Variants in HS6ST3 observed in about 807,000 individuals in gnomAD.
HS6ST3 encodes heparan-sulfate 6-O-sulfotransferase 3.
HS6ST3 carries 12 observed loss-of-function variants against 36.7 expected under a neutral mutation model. The observed-to-expected ratio is 0.33, with a 90% confidence interval of 0.21 to 0.53. The LOEUF (loss-of-function observed/expected upper bound fraction) is 0.53. HS6ST3 is among the 20% of genes least tolerant of loss of function. The pLI is 0.95. For missense variants in HS6ST3, 584 were observed against 640.9 expected, an observed-to-expected ratio of 0.91 and a Z score of 0.96; for synonymous variants, 240 against 257.5, an observed-to-expected ratio of 0.93 and a Z score of 0.65.
intron 1 of HS6ST3, among the ~76,000 whole-genome samples, chr13:96,482,199 G>C (rs1373520536): frequency 6.6e-6 from 1 of 152,088 alleles, no homozygotes; most frequent in Non-Finnish European, 1.5e-5. Flanking sequence ...TTCTACACCA[G>C]CAATGATATT....
At chr13:96,299,168 G>A (rs2054869585) in intron 1 of HS6ST3, among the ~76,000 whole-genome samples, 1 of 152,152 alleles carries the variant, frequency 6.6e-6, no homozygotes, top group African/African-American at 2.4e-5. Flanking sequence ...GTCGCTGCTT[G>A]CGTAGAATTC....
chr13:96,213,521 A>G (rs2054409008), intron 1 of HS6ST3, among the ~76,000 whole-genome samples: 1 of 140,046 alleles, frequency 7.1e-6, no homozygotes, highest in Non-Finnish European at 1.6e-5. Context: ...GCCTCTGTGT[A>G]GGACAATTTT....
chr13:96,795,550 T>C (rs991675849), intron 1 of HS6ST3, among the ~76,000 whole-genome samples: 6 of 152,124 alleles, frequency 3.9e-5, no homozygotes, highest in Admixed American at 2.0e-4. Flanking sequence ...CAACATTCTA[T>C]TACATTGGTG....
At chr13:96,147,869 C>G (rs1454461554) in intron 1 of HS6ST3, among the ~76,000 whole-genome samples, 1 of 152,106 alleles carries the variant, frequency 6.6e-6, no homozygotes, top group African/African-American at 2.4e-5. Context: ...TAACAATAAA[C>G]AATGTAGTGT....
At chr13:96,211,725 G>A (rs2054400199) in intron 1 of HS6ST3, among the ~76,000 whole-genome samples, 1 of 152,136 alleles carries the variant, frequency 6.6e-6, no homozygotes. Flanking sequence ...ACCATAGGTA[G>A]TTGTCTTTAT....
At chr13:96,832,456 C>T in intron 1 of HS6ST3, 34 bp from the exon 2 acceptor site, 3 of 1,467,958 alleles carry the variant, frequency 2.0e-6, no homozygotes, top group Non-Finnish European at 2.8e-6. Flanking sequence ...TTAGAGTTGT[C>T]AACTACTGAT....
At chr13:96,478,589 G>A (rs1295014836) in intron 1 of HS6ST3, among the ~76,000 whole-genome samples, 1 of 151,920 alleles carries the variant, frequency 6.6e-6, no homozygotes, top group Admixed American at 6.6e-5. Context: ...TTCCATTGCT[G>A]CCATCAAGCC....
At chr13:96,702,896 A>T (rs1594840388) in intron 1 of HS6ST3, among the ~76,000 whole-genome samples, 1 of 152,214 alleles carries the variant, frequency 6.6e-6, no homozygotes, top group South Asian at 2.1e-4. Context: ...AGCAGGAATG[A>T]TATACTTGGA....
chr13:96,823,070 C>A (rs1373370804), intron 1 of HS6ST3, among the ~76,000 whole-genome samples: 1 of 152,216 alleles, frequency 6.6e-6, no homozygotes, highest in Non-Finnish European at 1.5e-5. Flanking sequence ...CAGGAGGGAG[C>A]AGCACCTGTC....
rs1299394882 is a variant in HS6ST3 at position 96,494,543 on chromosome 13, T to TA, written c.708-337934dup. ...TGTACCCTAAAACTTAAAGTATAAT[T>TA]AAAAAAAAAAAAAGAACCACGATGT... On this transcript the variant is annotated intron_variant, in intron 1 of 1. Transcript: ENST00000376705. Among the ~76,000 whole-genome samples the TA allele has an allele frequency of 8.4e-3, 1,149 of 137,058 alleles. 11 individuals are homozygous for TA. Among genetic ancestry groups the TA allele is most frequent in the African/African-American group, 0.026 (955 of 37,406 alleles). The allele number at this position is 137,058 out of a possible 152,430, so 89.9% of individuals were successfully genotyped here.
intron 1 of HS6ST3, among the ~76,000 whole-genome samples, chr13:96,322,557 AAAAAATAAAATG>A (rs2055009710): frequency 1.3e-5 from 2 of 152,140 alleles, no homozygotes; most frequent in Non-Finnish European, 2.9e-5. Flanking sequence ...AACTTGTCTC[AAAAAATAAAATG>A]AAAAATAAAA....
chr13:96,465,063 C>T (rs1207394177), intron 1 of HS6ST3, among the ~76,000 whole-genome samples: 1 of 151,672 alleles, frequency 6.6e-6, no homozygotes, highest in African/African-American at 2.4e-5. Flanking sequence ...TATAAGTAGG[C>T]ATACTCACCA....
chr13:96,617,912 G>A (rs1042808724), intron 1 of HS6ST3, among the ~76,000 whole-genome samples: 5 of 152,136 alleles, frequency 3.3e-5, no homozygotes, highest in Admixed American at 3.3e-4. Context: ...ATTCTCCAGG[G>A]ATTAAAACAA....
chr13:96,667,939 G>C (rs1208414587), intron 1 of HS6ST3, among the ~76,000 whole-genome samples: 1 of 152,090 alleles, frequency 6.6e-6, no homozygotes, highest in Non-Finnish European at 1.5e-5. Flanking sequence ...TATGACTGGA[G>C]GGAAAATATT....
At chr13:96,828,869 T>C (rs968201449) in intron 1 of HS6ST3, among the ~76,000 whole-genome samples, 2 of 152,212 alleles carry the variant, frequency 1.3e-5, no homozygotes, top group Non-Finnish European at 2.9e-5. Context: ...AAAGTATTTT[T>C]TTCTAAATGG....
intron 1 of HS6ST3, among the ~76,000 whole-genome samples, chr13:96,762,531 T>G (rs912181878): frequency 6.6e-6 from 1 of 152,112 alleles, no homozygotes; most frequent in Non-Finnish European, 1.5e-5. Flanking sequence ...GGACACAAAC[T>G]GTAAACATTT....
At position 96,122,110 on chromosome 13, in the gene HS6ST3, G is replaced by GTATTATTATTATTATTATTAT. The variant is rs55776008; in HGVS notation, c.707+30547_707+30567dup. Among the ~76,000 whole-genome samples, 435 of 145,164 alleles carry GTATTATTATTATTATTATTAT rather than the reference G, an allele frequency of 3.0e-3. 2 individuals carry two copies. The highest frequency in any genetic ancestry group is 3.7e-3 in the Non-Finnish European group (246 of 66,576). ...TTAATCATCAAAATAACCCTTTCAGGTATTATTATTATTATTATTATTATT... is the reference window on the plus strand; with the variant it reads ...TTAATCATCAAAATAACCCTTTCAGGTATTATTATTATTATTATTATTATTATTATTATTATTATTATTATT... On this transcript the variant is annotated intron_variant, in intron 1 of 1. Coordinates refer to ENST00000376705, the MANE Select transcript of HS6ST3 (RefSeq NM_153456.4).
chr13:96,630,377 G>A (rs2056527856), intron 1 of HS6ST3, among the ~76,000 whole-genome samples: 2 of 152,008 alleles, frequency 1.3e-5, no homozygotes, highest in South Asian at 2.1e-4. Context: ...TTAATTATTC[G>A]CTATGCTTGG....
chr13:96,343,889 C>A (rs1018761950), intron 1 of HS6ST3, among the ~76,000 whole-genome samples: 2 of 152,152 alleles, frequency 1.3e-5, no homozygotes, highest in East Asian at 3.9e-4. Context: ...ATTATAGGCG[C>A]GTGCCACTAC....
Sources: allele counts gnomAD v4.1 joint callset (sites outside exome capture counted in the v4.1 genomes callset), GRCh38; gene constraint gnomAD v4.1.1; transcripts MANE v1.5; gene names NCBI Gene and HGNC (gene_info 2026-07-23, HGNC 2026-07-21).